The following PODN variants were observed in gnomAD, a reference collection of about 807,000 sequenced individuals.
The protein encoded by PODN is podocan proteoglycan.
Under a neutral mutation model 52.7 loss-of-function variants are expected in PODN, and 40 were observed. The ratio of observed to expected loss-of-function variants is 0.76; its 90% confidence interval spans 0.59 to 0.99. The LOEUF (loss-of-function observed/expected upper bound fraction) is 0.99, where lower values mean the gene tolerates loss of function less well. Among genes scored for constraint, PODN ranks in the 50% least tolerant of loss-of-function variants. The probability of loss-of-function intolerance (pLI) is 0.00; values close to 1 mark genes in which losing one functional copy is unlikely to be tolerated. For synonymous variants in PODN, 396 were observed against 377.9 expected (o/e 1.05, Z -0.56); for missense variants, 720 against 815.1 (o/e 0.88, Z 1.42).
chr1:53,062,526 C>G (rs1402927109), intron 1 of PODN, among the ~76,000 whole-genome samples: 1 of 152,248 alleles, frequency 6.6e-6, no homozygotes, highest in Non-Finnish European at 1.5e-5. Flanking sequence ...CAGGGGCCTT[C>G]TCCTCTCTGA....
intron 9 of PODN, 41 bp from the exon 10 acceptor site, chr1:53,081,940 G>C: frequency 1.3e-6 from 2 of 1,558,350 alleles, no homozygotes; most frequent in East Asian, 2.3e-5. Context: ...GGTTCCTTGG[G>C]GGTTGGGCTC....
chr1:53,066,944 T>G (rs1403202815), intron 1 of PODN: 1 of 1,424,610 alleles, frequency 7.0e-7, no homozygotes, highest in Admixed American at 2.1e-5. Context: ...TGATTGAATT[T>G]GGGACCTGGG....
At position 53,077,282 on chromosome 1, in the gene PODN, C is replaced by T; in HGVS notation, c.674C>T (p.Ser225Phe). ...GSSNVEVLILSSNFLRHVPKH... is the reference protein window; with the variant it reads ...GSSNVEVLILFSNFLRHVPKH... ...AGCAACGTCGAGGTCCTCATCCTGT[C>T]CAGCAACTTCCTGCGCCACGTGCCC... Residue 225 changes from serine to phenylalanine, a missense_variant, in exon 6 of 11, where the codon TCC becomes TTC. Coordinates refer to ENST00000312553, the MANE Select transcript of PODN (RefSeq NM_153703.5). 8 of 1,613,462 alleles carry T rather than the reference C, an allele frequency of 5.0e-6. No individual in the cohort carries two copies. The highest frequency in any genetic ancestry group is 6.8e-6 in the Non-Finnish European group (8 of 1,180,020).
Position 53,066,968 on chromosome 1 carries a change from T to G in PODN, c.-55-2833T>G. 3 of 1,238,320 alleles carry G rather than the reference T, an allele frequency of 2.4e-6. No homozygotes were observed. The South Asian group carries it at 4.1e-5, about 17-fold the overall frequency. The allele number at this position is 1,238,320 out of a possible 1,614,324, so 76.7% of individuals were successfully genotyped here. Reference sequence around the variant, plus strand: ...TTGGGACCTGGGCCTGTGCCCACACTCTCGCTCTTAGAACCCCGGACTACA... The same window carrying G: ...TTGGGACCTGGGCCTGTGCCCACACGCTCGCTCTTAGAACCCCGGACTACA... On this transcript the variant is annotated intron_variant, in intron 1 of 10. Coordinates refer to ENST00000312553, the MANE Select transcript of PODN (RefSeq NM_153703.5).
In PODN at chr1:53,078,776, C is replaced by A. The variant is rs1463856662; in HGVS notation, c.1266C>A (p.His422Gln). ...ACCGCATCACCAGCCCGCAGGTGCA[C>A]CGCGACGCCTTCCGCAAGCTGCGCC... The part of the protein sequence containing the change: ...SYNRITSPQV[H>Q]RDAFRKLRLL... Residue 422 changes from histidine (H) to glutamine (Q), a missense_variant, in exon 8 of 11, where the codon CAC (histidine) becomes CAA (glutamine). By Grantham distance (24) the His-to-Gln change is conservative. Transcript: ENST00000312553. 6.2e-7 allele frequency: 1 copy of A among 1,613,272 alleles called. No homozygotes were observed. Among genetic ancestry groups the A allele is most frequent in the Non-Finnish European group, 8.5e-7 (1 of 1,179,956 alleles).
In PODN at chr1:53,081,505, CAG is replaced by C. The variant is rs375631691; in HGVS notation, c.1662-471_1662-470del. ...AGGCATCTGCAGGGTAGCTGAAGCA[CAG>C]AGAGTGAGGGGCCTGAGATCAGAGC... On this transcript the variant is annotated intron_variant, in intron 9 of 10. Transcript: ENST00000312553. Among the ~76,000 whole-genome samples the C allele has an allele frequency of 1.9e-4, 29 of 152,332 alleles. 1 individual carries two copies. In the East Asian group the frequency reaches 5.2e-3, roughly 27 times the overall value.
intron 9 of PODN, 24 bp from the exon 10 acceptor site, chr1:53,081,957 T>C (rs1644301880): frequency 6.4e-7 from 1 of 1,572,052 alleles, no homozygotes; most frequent in Non-Finnish European, 8.7e-7. Flanking sequence ...GCTCCTGGCA[T>C]TGACTGCCTC....
intron 9 of PODN, among the ~76,000 whole-genome samples, chr1:53,081,535 C>T (rs2150307168): frequency 6.6e-6 from 1 of 152,332 alleles, no homozygotes; most frequent in South Asian, 2.1e-4. Context: ...ATCAGAGCCA[C>T]AGCCTCCACC....
chr1:53,068,985 A>G (rs1644072043), intron 1 of PODN, among the ~76,000 whole-genome samples: 1 of 152,196 alleles, frequency 6.6e-6, no homozygotes, highest in African/African-American at 2.4e-5. Flanking sequence ...ATGGGAGGCC[A>G]TGAGGGCAGC....
chr1:53,077,886 C>T, intron 7 of PODN, 86 bp downstream of exon 7: 1 of 1,092,238 alleles, frequency 9.2e-7, no homozygotes. Flanking sequence ...CAGCCCAGCC[C>T]CTCACGCACG....
At chr1:53,077,937 G>A in intron 7 of PODN, 137 bp downstream of exon 7, 1 of 659,788 alleles carries the variant, frequency 1.5e-6, no homozygotes, top group South Asian at 2.0e-5. Flanking sequence ...TTTAAGCCTT[G>A]TGCCTCTGTT....
At chr1:53,066,854 GAAC>G in intron 1 of PODN, 1 of 1,549,882 alleles carries the variant, frequency 6.5e-7, no homozygotes. Context: ...CGAGGAGGCA[GAAC>G]AGCCTGCCTG....
At chr1:53,082,333 A>T (rs1457610443) in intron 10 of PODN, 145 bp downstream of exon 10, 4 of 1,207,534 alleles carry the variant, frequency 3.3e-6, no homozygotes, top group Non-Finnish European at 4.4e-6. Flanking sequence ...AGCACTTGGG[A>T]TGTACCAGGC....
chr1:53,070,685 C>T (rs78086639), intron 2 of PODN, among the ~76,000 whole-genome samples: 1 of 152,224 alleles, frequency 6.6e-6, no homozygotes, highest in African/African-American at 2.4e-5. Context: ...TCGCCTTGTG[C>T]GGCCCAACAG....
chr1:53,069,756 G>A (rs1298169479), intron 1 of PODN, 45 bp from the exon 2 acceptor site: 13 of 1,527,494 alleles, frequency 8.5e-6, no homozygotes, highest in East Asian at 2.4e-5. Flanking sequence ...GGAGGGCCCC[G>A]TCATGACTTT....
intron 5 of PODN, among the ~76,000 whole-genome samples, chr1:53,076,803 C>T (rs1644200900): frequency 6.6e-6 from 1 of 152,120 alleles, no homozygotes; most frequent in East Asian, 1.9e-4. Flanking sequence ...AGAGATAGGC[C>T]CTGTGTTTAG....
Position 53,078,406 on chromosome 1 carries a change from A to G in PODN, c.896A>G (p.Asn299Ser), listed in dbSNP as rs1644227740. The G allele has an allele frequency of 6.2e-7, 1 of 1,613,326 alleles. No individual in the cohort carries two copies. Among genetic ancestry groups the G allele is most frequent in the African/African-American group, 1.3e-5 (1 of 74,910 alleles). ...GAGTACCTGGATCTGTCCAGCAACA[A>G]CCTGTCTCGGGTCCCAGCTGGGCTG... ...SLEYLDLSSN[N>S]LSRVPAGLPR... The change falls in exon 8 of 11, where the codon AAC becomes AGC. Residue 299 changes from asparagine (N) to serine (S), a missense_variant. By Grantham distance (46) the Asn-to-Ser change is conservative. Transcript: ENST00000312553.
In PODN at chr1:53,075,999, G is replaced by T. The variant is rs764226338; in HGVS notation, c.581+28G>T. 13 of 1,530,112 alleles carry T rather than the reference G, an allele frequency of 8.5e-6. No homozygotes were observed. In the East Asian group the frequency reaches 2.6e-4, roughly 31 times the overall value. The allele number at this position is 1,530,112 out of a possible 1,614,324, so 94.8% of individuals were successfully genotyped here. A position where few individuals can be genotyped will look rare whatever the true frequency, so the allele number is the denominator to read the frequency against. On this transcript the variant is annotated intron_variant, in intron 5 of 10. Transcript: ENST00000312553. ...CAGAGGTCGGGGGTGGTCAGGGCTCGGGCTGGGGCAAGGGGAGGGGCTGAG... is the reference window on the plus strand; with the variant it reads ...CAGAGGTCGGGGGTGGTCAGGGCTCTGGCTGGGGCAAGGGGAGGGGCTGAG...
Position 53,077,306 on chromosome 1 carries a change from C to T in PODN, c.698C>T (p.Pro233Leu), listed in dbSNP as rs756894143. ...TCCAGCAACTTCCTGCGCCACGTGC[C>T]CAAGCACCTGCCGCCTGCCCTGTAC... ...ILSSNFLRHV[P>L]KHLPPALYKL... Residue 233 changes from proline (P) to leucine (L), a missense_variant, in exon 6 of 11, where the codon CCC (proline) becomes CTC (leucine). Physicochemically the swap from Pro to Leu is moderately conservative, Grantham distance 98 (BLOSUM62 -3). Transcript: ENST00000312553. The T allele has an allele frequency of 3.7e-6, 6 of 1,613,366 alleles. No individual in the cohort carries two copies. Among genetic ancestry groups the T allele is most frequent in the Non-Finnish European group, 8.5e-7 (1 of 1,180,018 alleles).
Sources: allele counts gnomAD v4.1 joint callset (sites outside exome capture counted in the v4.1 genomes callset), GRCh38; gene constraint gnomAD v4.1.1; transcripts MANE v1.5; gene names NCBI Gene and HGNC (gene_info 2026-07-23, HGNC 2026-07-21).